Variants in FDFT1 observed in about 807,000 individuals in gnomAD.
FDFT1 encodes the protein squalene synthase.
Under a neutral mutation model 46.8 loss-of-function variants are expected in FDFT1, and 68 were observed. That is an observed-to-expected ratio of 1.45 (90% CI 1.19 to 1.78). The LOEUF is 1.78. Ranked by LOEUF, FDFT1 falls within the 40% of genes most tolerant of loss-of-function variation. The pLI is 0.00. For synonymous variants in FDFT1, 351 were observed against 185.1 expected, an observed-to-expected ratio of 1.90 and a Z score of -7.28; for missense variants, 928 against 524.4, an observed-to-expected ratio of 1.77 and a Z score of -7.52.
chr8:11,836,496 C>G (rs1005604105), intron 7 of FDFT1, among the ~76,000 whole-genome samples: 3 of 152,254 alleles, frequency 2.0e-5, no homozygotes, highest in Non-Finnish European at 4.4e-5. Context: ...TCAGGGCCAC[C>G]TTTCATAAGG....
In FDFT1 at chr8:11,823,541, G is replaced by C. The variant is rs138814016; in HGVS notation, c.510+1663G>C. Among the ~76,000 whole-genome samples, 5 of 151,790 alleles carry C rather than the reference G, an allele frequency of 3.3e-5. No homozygotes were observed. The East Asian group carries it at 9.7e-4, about 29-fold the overall frequency. ...TCTTCACCTGTGCATTCTTCCCCCT[G>C]ATTAGTCTCTGGCTTTGTATTACTT... On this transcript the variant is annotated intron_variant, in intron 4 of 7. Coordinates refer to ENST00000220584, the MANE Select transcript of FDFT1 (RefSeq NM_004462.5).
At chr8:11,836,003 G>C (rs1408355655) in intron 7 of FDFT1, among the ~76,000 whole-genome samples, 14 of 70,450 alleles carry the variant, frequency 2.0e-4, no homozygotes, top group Non-Finnish European at 3.1e-4. Flanking sequence ...AAATACAAAA[G>C]TTAGTTGGGC....
At chr8:11,810,742 C>T (rs905048556) in intron 3 of FDFT1, among the ~76,000 whole-genome samples, 1 of 151,986 alleles carries the variant, frequency 6.6e-6, no homozygotes, top group Admixed American at 6.6e-5. Flanking sequence ...TTTGATTTAG[C>T]AAAGTCACAT....
At position 11,803,159 on chromosome 8, in the gene FDFT1, A is replaced by G. The variant is rs1806357242; in HGVS notation, c.99+228A>G. On this transcript the variant is annotated intron_variant, in intron 1 of 7. Transcript: ENST00000220584. The stretch of plus-strand genomic sequence containing the variant: ...CCGCAAGCCGCCCTGGGCATGAGCG[A>G]CTTTTGCGTGGTTCCCGGTGGTTGC... 6 of 1,417,880 alleles carry G rather than the reference A, an allele frequency of 4.2e-6. No individual in the cohort carries two copies. In the South Asian group the frequency reaches 7.1e-5, roughly 17 times the overall value. The allele number at this position is 1,417,880 out of a possible 1,614,324, so 87.8% of individuals were successfully genotyped here.
intron 7 of FDFT1, among the ~76,000 whole-genome samples, chr8:11,833,739 G>A (rs908846080): frequency 5.9e-5 from 9 of 152,154 alleles, no homozygotes; most frequent in Non-Finnish European, 1.0e-4. Flanking sequence ...CCGAGTTGAG[G>A]AGCTGCAACA....
intron 3 of FDFT1, among the ~76,000 whole-genome samples, chr8:11,817,883 T>A (rs1424019297): frequency 6.6e-6 from 1 of 152,166 alleles, no homozygotes; most frequent in Non-Finnish European, 1.5e-5. Context: ...TGATCTTAGT[T>A]ATTTCTTGCC....
chr8:11,817,822 A>AT (rs150361729), intron 3 of FDFT1, among the ~76,000 whole-genome samples: 39,102 of 148,864 alleles, frequency 0.26, 5,991 homozygotes, highest in East Asian at 0.78. Context: ...GGATTCATTA[A>AT]TTTTTTTTTT....
chr8:11,828,199 G>A (rs1810277293), intron 5 of FDFT1, among the ~76,000 whole-genome samples: 1 of 152,090 alleles, frequency 6.6e-6, no homozygotes, highest in Non-Finnish European at 1.5e-5. Context: ...GAGGCAGGAG[G>A]ATTGCCTGAG....
At position 11,839,126 on chromosome 8, in the gene FDFT1, C is replaced by G. The variant is rs1464619776; in HGVS notation, c.*517C>G. The G allele has an allele frequency of 6.4e-6, 1 of 155,126 alleles. No homozygotes were observed. Among genetic ancestry groups the G allele is most frequent in the Non-Finnish European group, 1.4e-5 (1 of 69,656 alleles). The allele number at this position is 155,126 out of a possible 1,614,324, so 9.6% of individuals were successfully genotyped here. A position where few individuals can be genotyped will look rare whatever the true frequency, so the allele number is the denominator to read the frequency against. On this transcript the variant is annotated 3_prime_UTR_variant, in exon 8 of 8. Transcript: ENST00000220584. Reference sequence around the variant, plus strand: ...GATGTTTCCTAAGAATGCAAACTGCCTTTTCCACACAAAGGCTGGGAATAA... The same window carrying G: ...GATGTTTCCTAAGAATGCAAACTGCGTTTTCCACACAAAGGCTGGGAATAA...
chr8:11,831,877 G>T, intron 7 of FDFT1: 1 of 508,236 alleles, frequency 2.0e-6, no homozygotes, highest in Non-Finnish European at 3.5e-6. Context: ...ACCCTGGTGA[G>T]AGGAGATAAA....
At chr8:11,798,328 G>A (rs58940199), upstream of FDFT1, among the ~76,000 whole-genome samples, 24,599 of 152,146 alleles carry the variant, frequency 0.16, 2,083 homozygotes, top group East Asian at 0.31. Context: ...CCCAAGTGCT[G>A]GGATTACAGG....
intron 7 of FDFT1, among the ~76,000 whole-genome samples, chr8:11,833,592 G>A (rs2130891531): frequency 6.6e-6 from 1 of 152,234 alleles, no homozygotes; most frequent in South Asian, 2.1e-4. Flanking sequence ...TTAAATCCTG[G>A]TTGTAATTCA....
intron 3 of FDFT1, among the ~76,000 whole-genome samples, chr8:11,812,660 A>T (rs1585896970): frequency 6.6e-6 from 1 of 152,338 alleles, no homozygotes; most frequent in Middle Eastern, 3.4e-3. Flanking sequence ...GATCATTTTT[A>T]AATTTTTAGC....
Position 11,826,012 on chromosome 8 carries a change from C to G in FDFT1, c.511-12C>G, listed in dbSNP as rs774489544. ...TCCATTATTAAAGTGCTTTAAAAAT[C>G]GTCTCTTACAGTACTGCCACTATGT... On this transcript the variant is annotated splice_polypyrimidine_tract_variant and intron_variant, in intron 4 of 7. Coordinates refer to ENST00000220584, the MANE Select transcript of FDFT1 (RefSeq NM_004462.5). The G allele has an allele frequency of 1.5e-5, 23 of 1,505,998 alleles. No individual in the cohort carries two copies. Among genetic ancestry groups the G allele is most frequent in the African/African-American group, 2.8e-5 (2 of 72,068 alleles). 93.3% of individuals were successfully genotyped at this position (1,505,998 alleles called of 1,614,324 possible). A position where few individuals can be genotyped will look rare whatever the true frequency, so the allele number is the denominator to read the frequency against.
Position 11,802,743 on chromosome 8 carries a change from A to T in FDFT1, c.-90A>T, listed in dbSNP as rs1053293366. Reference sequence around the variant, plus strand: ...GCCCCCTGTCCGGCCAGCCCCTCGAAGCACCTACTCCACAGGTCCAGCCGG... The same window carrying T: ...GCCCCCTGTCCGGCCAGCCCCTCGATGCACCTACTCCACAGGTCCAGCCGG... On this transcript the variant is annotated 5_prime_UTR_variant, in exon 1 of 8. The change creates a new upstream start codon in the 5' untranslated region. Transcript: ENST00000220584. 1 of 994,166 alleles carries T rather than the reference A, an allele frequency of 1.0e-6. No individual in the cohort carries two copies. The highest frequency in any genetic ancestry group is 1.6e-5 in the African/African-American group (1 of 61,480). 61.6% of individuals were successfully genotyped at this position (994,166 alleles called of 1,614,324 possible).
chr8:11,838,365 A>T, intron 7 of FDFT1, 23 bp from the exon 8 acceptor site: 1 of 1,591,654 alleles, frequency 6.3e-7, no homozygotes. Context: ...AGCACTTATC[A>T]TTTTTTCCTG....
At chr8:11,833,760 T>C (rs1352313289) in intron 7 of FDFT1, among the ~76,000 whole-genome samples, 1 of 152,222 alleles carries the variant, frequency 6.6e-6, no homozygotes, top group Non-Finnish European at 1.5e-5. Flanking sequence ...GGCGATGACT[T>C]GTAAAGCTGA....
chr8:11,797,638 C>CAAAAAAAAAAAAAAAAAAAAAAAAA (rs34350077), upstream of FDFT1, among the ~76,000 whole-genome samples: 1 of 75,522 alleles, frequency 1.3e-5, no homozygotes, highest in African/African-American at 5.4e-5. Context: ...CACACACACT[C>CAAAAAAAAAAAAAAAAAAAAAAAAA]AAAAAAAAAA....
intron 3 of FDFT1, among the ~76,000 whole-genome samples, chr8:11,813,462 G>A (rs1563309536): frequency 6.6e-6 from 1 of 152,138 alleles, no homozygotes; most frequent in African/African-American, 2.4e-5. Context: ...ATAATGTACT[G>A]TTATCTACAT....
Sources: allele counts gnomAD v4.1 joint callset (sites outside exome capture counted in the v4.1 genomes callset), GRCh38; gene constraint gnomAD v4.1.1; transcripts MANE v1.5; gene names NCBI Gene and HGNC (gene_info 2026-07-23, HGNC 2026-07-21).